ITGA4: variants seen among roughly 807,000 people sequenced by gnomAD.
ITGA4 encodes integrin subunit alpha 4.
In ITGA4, 63 loss-of-function variants were observed where a neutral mutation model predicts 133.6. That is an observed-to-expected ratio of 0.47 (90% CI 0.38 to 0.58). The LOEUF is 0.58. Ranked by LOEUF, ITGA4 falls within the 20% of genes least tolerant of loss-of-function variation. ITGA4 has a pLI of 0.00. For missense variants in ITGA4, 1,076 were observed against 1,252.7 expected (o/e 0.86, Z 2.13); for synonymous variants, 483 against 438.0 (o/e 1.10, Z -1.28).
chr2:181,485,783 G>C (rs1426697624), intron 9 of ITGA4, 98 bp from the exon 10 acceptor site: 16 of 986,106 alleles, frequency 1.6e-5, no homozygotes, highest in Non-Finnish European at 2.5e-5. Context: ...CAACTTGTTT[G>C]ACACATTAGA....
intron 26 of ITGA4, 107 bp from the exon 27 acceptor site, chr2:181,534,709 C>A: frequency 1.0e-6 from 1 of 968,050 alleles, no homozygotes; most frequent in Non-Finnish European, 1.5e-6. Flanking sequence ...CTGGGCAGTT[C>A]TAAATACTAC....
chr2:181,496,028 A>G (rs988135268), intron 14 of ITGA4, 91 bp downstream of exon 14: 3 of 1,306,294 alleles, frequency 2.3e-6, no homozygotes, highest in Non-Finnish European at 3.2e-6. Context: ...GGTTTTCACC[A>G]CGGAGATCTT....
In ITGA4 at chr2:181,473,791, A is replaced by AC. The variant is rs201884296; in HGVS notation, c.320-1164dup. On this transcript the variant is annotated intron_variant, in intron 2 of 27. Transcript: ENST00000397033. ...AGACCAGTATGGGTAACATAGTGAG[A>AC]CCCCCATTGGTACCAAAATAAAAAT... Among the ~76,000 whole-genome samples, 172 of 152,188 alleles carry AC rather than the reference A, an allele frequency of 1.1e-3. 3 individuals are homozygous for AC. In the East Asian group the frequency reaches 0.024, roughly 21 times the overall value.
rs11418738 is a variant in ITGA4 at position 181,534,770 on chromosome 2, A to AC, written c.2884-46_2884-45insC. On this transcript the variant is annotated intron_variant, in intron 26 of 27. Coordinates refer to ENST00000397033, the MANE Select transcript of ITGA4 (RefSeq NM_000885.6). ...GAAATATAAGCAACGTTTTAAACTGATTTTTTTTTTTGGTTTTTGAGTTTT... is the reference window on the plus strand; with the variant it reads ...GAAATATAAGCAACGTTTTAAACTGACTTTTTTTTTTTGGTTTTTGAGTTTT... 5.5e-5 allele frequency: 72 copies of AC among 1,300,062 alleles called. No homozygotes were observed. In the African/African-American group the frequency reaches 9.5e-4, roughly 17 times the overall value. 80.5% of individuals were successfully genotyped at this position (1,300,062 alleles called of 1,614,324 possible).
intron 7 of ITGA4, 38 bp downstream of exon 7, chr2:181,481,721 G>T: frequency 1.9e-6 from 2 of 1,039,094 alleles, no homozygotes; most frequent in Admixed American, 1.9e-5. Flanking sequence ...CTTCACAAAG[G>T]TTCAAATATA....
At chr2:181,487,126 A>G (rs1423089344) in intron 10 of ITGA4, among the ~76,000 whole-genome samples, 6 of 152,186 alleles carry the variant, frequency 3.9e-5, no homozygotes, top group African/African-American at 1.4e-4. Context: ...AAAGAAAAAA[A>G]TAGGTGTATA....
chr2:181,534,932 G>C lies in ITGA4; in HGVS notation c.3000G>C (p.Trp1000Cys). ...TTCTATTGATCTCATATGTTATGTGGAAGGTAAGCATTTAACAATTACCAA... is the reference window on the plus strand; with the variant it reads ...TTCTATTGATCTCATATGTTATGTGCAAGGTAAGCATTTAACAATTACCAA... The part of the protein sequence containing the change: ...IVLLLISYVM[W>C]KAGFFKRQYK... Residue 1000 changes from tryptophan to cysteine, a missense_variant, in exon 27 of 28, where the codon TGG becomes TGC. Around this residue, in one of 4 missense-constraint regions of ITGA4, gnomAD observed 193 missense variants for 172.3 expected, o/e 1.12. Coordinates refer to ENST00000397033, the MANE Select transcript of ITGA4 (RefSeq NM_000885.6). The C allele has an allele frequency of 6.4e-7, 1 of 1,567,184 alleles. No homozygotes were observed. The highest frequency in any genetic ancestry group is 1.2e-5 in the South Asian group (1 of 83,524).
At chr2:181,530,671 T>G in intron 24 of ITGA4, 22 bp downstream of exon 24, 10 of 1,601,074 alleles carry the variant, frequency 6.2e-6, no homozygotes, top group Non-Finnish European at 8.5e-6. Flanking sequence ...TTTTTCAGGT[T>G]GTAGTTCCTG....
intron 2 of ITGA4, among the ~76,000 whole-genome samples, chr2:181,470,075 A>G (rs567035800): frequency 3.9e-5 from 6 of 152,158 alleles, no homozygotes; most frequent in Non-Finnish European, 8.8e-5. Context: ...AATAAAAAAA[A>G]AAGATATAAA....
intron 22 of ITGA4, among the ~76,000 whole-genome samples, chr2:181,528,983 G>A (rs1322970326): frequency 6.6e-6 from 1 of 152,186 alleles, no homozygotes; most frequent in Non-Finnish European, 1.5e-5. Flanking sequence ...TCAGCATATA[G>A]ATCCTGAATA....
chr2:181,486,720 G>T (rs187399710), intron 10 of ITGA4, among the ~76,000 whole-genome samples: 2 of 152,276 alleles, frequency 1.3e-5, no homozygotes, highest in African/African-American at 4.8e-5. Context: ...GTTCTAAGTG[G>T]TAAGTAACTG....
intron 4 of ITGA4, chr2:181,475,990 C>CTA: frequency 2.5e-6 from 3 of 1,217,378 alleles, no homozygotes; most frequent in Non-Finnish European, 3.2e-6. Context: ...CACCCTCACT[C>CTA]AAAAAAAATC....
chr2:181,477,905 C>G (rs1685713381), intron 4 of ITGA4, among the ~76,000 whole-genome samples: 1 of 151,980 alleles, frequency 6.6e-6, no homozygotes, highest in Admixed American at 6.6e-5. Context: ...ATGTTCATTG[C>G]AGCAGCATTC....
intron 2 of ITGA4, among the ~76,000 whole-genome samples, chr2:181,468,205 A>G (rs1011744681): frequency 3.3e-5 from 5 of 152,182 alleles, no homozygotes. Flanking sequence ...CTCACAAATC[A>G]TCCTTTGTAA....
intron 2 of ITGA4, among the ~76,000 whole-genome samples, chr2:181,470,007 A>G (rs974999263): frequency 2.8e-4 from 42 of 152,130 alleles, no homozygotes; most frequent in Admixed American, 1.1e-3. Context: ...TGGCACATGT[A>G]TACATATGTA....
chr2:181,515,795 TCTC>T (rs1686592294), intron 17 of ITGA4, among the ~76,000 whole-genome samples: 1 of 152,068 alleles, frequency 6.6e-6, no homozygotes. Context: ...AGGTGTCCTC[TCTC>T]CTTTCTCAGA....
chr2:181,514,933 C>T (rs902128077), intron 17 of ITGA4, among the ~76,000 whole-genome samples: 1 of 152,056 alleles, frequency 6.6e-6, no homozygotes, highest in African/African-American at 2.4e-5. Context: ...CTATCAAACC[C>T]ATTATGATTT....
chr2:181,462,362 A>G (rs1277906098), intron 2 of ITGA4, among the ~76,000 whole-genome samples: 1 of 152,166 alleles, frequency 6.6e-6, no homozygotes, highest in Admixed American at 6.5e-5. Flanking sequence ...CCTGGTTCAT[A>G]TTATATAACC....
At chr2:181,530,731 C>A in intron 24 of ITGA4, 82 bp downstream of exon 24, 2 of 1,224,688 alleles carry the variant, frequency 1.6e-6, no homozygotes, top group Non-Finnish European at 2.4e-6. Context: ...TGGGTTTGAG[C>A]TGTCACTTCA....
Sources: allele counts gnomAD v4.1 joint callset (sites outside exome capture counted in the v4.1 genomes callset), GRCh38; gene constraint gnomAD v4.1.1; regional missense constraint gnomAD v4.1.1; transcripts MANE v1.5; gene names NCBI Gene and HGNC (gene_info 2026-07-23, HGNC 2026-07-21).